Variants in ELP4 observed in about 807,000 individuals in gnomAD.
ELP4 encodes the protein elongator complex protein 4.
Under a neutral mutation model 48.9 loss-of-function variants are expected in ELP4, and 51 were observed. That is an observed-to-expected ratio of 1.04 (90% CI 0.83 to 1.32). The LOEUF is 1.32. ELP4 is among the 40% of genes most tolerant of loss of function. The pLI is 0.00. For synonymous variants in ELP4, 210 were observed against 189.2 expected (o/e 1.11, Z -0.90); for missense variants, 519 against 514.6 (o/e 1.01, Z -0.08).
Position 31,696,318 on chromosome 11 carries a change from G to T in ELP4, c.1143+46097G>T, listed in dbSNP as rs367625882. Reference sequence around the variant, plus strand: ...TTGTGGGCATTTAGTGCTATAAATTGCCCTCTACACACTGCTTTAAATGTG... The same window carrying T: ...TTGTGGGCATTTAGTGCTATAAATTTCCCTCTACACACTGCTTTAAATGTG... On this transcript the variant is annotated intron_variant, in intron 9 of 9. Coordinates refer to ENST00000640961, the MANE Select transcript of ELP4 (RefSeq NM_019040.5). Among the ~76,000 whole-genome samples the T allele has an allele frequency of 1.4e-4, 22 of 152,042 alleles. No homozygotes were observed. The East Asian group carries it at 3.1e-3, about 21-fold the overall frequency.
At chr11:31,670,453 G>A (rs1205904385) in intron 9 of ELP4, among the ~76,000 whole-genome samples, 2 of 152,134 alleles carry the variant, frequency 1.3e-5, no homozygotes, top group Non-Finnish European at 2.9e-5. Flanking sequence ...TTTGCGAAGT[G>A]TTGTGTCCCT....
intron 3 of ELP4, among the ~76,000 whole-genome samples, chr11:31,581,752 C>CTT (rs111876394): frequency 1.4e-5 from 2 of 140,166 alleles, no homozygotes; most frequent in African/African-American, 2.7e-5. Context: ...CATGTTCTGT[C>CTT]TTTTTTTTTT....
At chr11:31,713,595 A>G (rs1402798028) in intron 9 of ELP4, among the ~76,000 whole-genome samples, 1 of 152,156 alleles carries the variant, frequency 6.6e-6, no homozygotes, top group East Asian at 1.9e-4. Flanking sequence ...TGAGCATCAT[A>G]TTATTATATA....
At chr11:31,542,074 A>C (rs1956601415) in intron 3 of ELP4, among the ~76,000 whole-genome samples, 1 of 152,258 alleles carries the variant, frequency 6.6e-6, no homozygotes, top group Admixed American at 6.5e-5. Context: ...GCTAAAAAAC[A>C]AAAAACAAAC....
At chr11:31,620,328 A>C (rs556646763) in intron 5 of ELP4, among the ~76,000 whole-genome samples, 16 of 152,038 alleles carry the variant, frequency 1.1e-4, no homozygotes, top group Non-Finnish European at 1.8e-4. Flanking sequence ...TGAGATGGTT[A>C]ATTAATTGAA....
At chr11:31,783,023 A>C (rs1453818263) in intron 9 of ELP4, among the ~76,000 whole-genome samples, 1 of 152,258 alleles carries the variant, frequency 6.6e-6, no homozygotes. Context: ...AAACAAAGCC[A>C]AAAAGAAAAA....
intron 5 of ELP4, among the ~76,000 whole-genome samples, chr11:31,615,515 A>C (rs1746538506): frequency 6.6e-6 from 1 of 152,106 alleles, no homozygotes; most frequent in East Asian, 1.9e-4. Context: ...TATTTTTATT[A>C]GAAGATAAAT....
At chr11:31,687,340 G>A (rs1315608947) in intron 9 of ELP4, among the ~76,000 whole-genome samples, 3 of 152,148 alleles carry the variant, frequency 2.0e-5, no homozygotes, top group Non-Finnish European at 4.4e-5. Context: ...ATTCAGAAGA[G>A]AAGAAGGCAG....
chr11:31,541,780 T>C (rs975288216), intron 3 of ELP4, among the ~76,000 whole-genome samples: 4 of 152,226 alleles, frequency 2.6e-5, no homozygotes, highest in Non-Finnish European at 5.9e-5. Flanking sequence ...TAGTGTACTT[T>C]ACATATCCTT....
chr11:31,663,966 T>TA (rs1215829539), intron 9 of ELP4: 1 of 152,094 alleles, frequency 6.6e-6, no homozygotes, highest in African/African-American at 2.4e-5. Flanking sequence ...TTAAATTATG[T>TA]AAAACAAAAC....
rs1948878219 is a variant in ELP4, at chr11:31,788,651, T to C, written c.*5127T>C. 4 of 215,366 alleles carry C rather than the reference T, an allele frequency of 1.9e-5. No homozygotes were observed. Among genetic ancestry groups the C allele is most frequent in the Non-Finnish European group, 2.8e-5 (3 of 106,566 alleles). The allele number at this position is 215,366 out of a possible 1,614,324, so 13.3% of individuals were successfully genotyped here. ...GCTAATCGCTTGTTGCATTTTTAAA[T>C]TATTTCTAGACTTTGAGCTTTAGAA... On this transcript the variant is annotated 3_prime_UTR_variant, in exon 10 of 10. Coordinates refer to ENST00000640961, the MANE Select transcript of ELP4 (RefSeq NM_019040.5).
intron 2 of ELP4, among the ~76,000 whole-genome samples, chr11:31,522,970 C>T (rs1956238813): frequency 6.6e-6 from 1 of 151,972 alleles, no homozygotes; most frequent in South Asian, 2.1e-4. Context: ...AGTAGTCCTC[C>T]CTTCTCAGTC....
At chr11:31,537,811 A>C (rs998439264) in intron 2 of ELP4, among the ~76,000 whole-genome samples, 25 of 152,182 alleles carry the variant, frequency 1.6e-4, no homozygotes, top group African/African-American at 6.0e-4. Context: ...ACAATTTGAC[A>C]TGAGATTTGG....
chr11:31,745,800 C>T (rs1283206506), intron 9 of ELP4, among the ~76,000 whole-genome samples: 4 of 152,128 alleles, frequency 2.6e-5, no homozygotes, highest in Non-Finnish European at 5.9e-5. Context: ...AGAAGAAAAC[C>T]TAGGCAATAT....
intron 9 of ELP4, chr11:31,707,076 C>T: frequency 5.0e-6 from 2 of 398,064 alleles, no homozygotes; most frequent in Non-Finnish European, 8.9e-6. Context: ...TAATGATTTC[C>T]TTTCCTTTGG....
intron 9 of ELP4, chr11:31,653,245 A>C (rs1465937643): frequency 6.6e-6 from 1 of 151,796 alleles, no homozygotes; most frequent in Non-Finnish European, 1.5e-5. Context: ...CCTGACATGC[A>C]TTCTGGATAA....
In ELP4 at chr11:31,790,125, T is replaced by C; in HGVS notation, c.*6601T>C. On this transcript the variant is annotated 3_prime_UTR_variant, in exon 10 of 10. Transcript: ENST00000640961. ...AAAAAAAAAAAAAAAAAAAAACTAATACTTTCTAACATTTTTTACTGTATT... is the reference window on the plus strand; with the variant it reads ...AAAAAAAAAAAAAAAAAAAAACTAACACTTTCTAACATTTTTTACTGTATT... The C allele has an allele frequency of 5.9e-6, 4 of 683,318 alleles. No homozygotes were observed. Among genetic ancestry groups the C allele is most frequent in the African/African-American group, 2.2e-5 (1 of 46,430 alleles). 42.3% of individuals were successfully genotyped at this position (683,318 alleles called of 1,614,324 possible).
At chr11:31,545,339 A>T (rs957116977) in intron 3 of ELP4, among the ~76,000 whole-genome samples, 4 of 152,244 alleles carry the variant, frequency 2.6e-5, no homozygotes, top group African/African-American at 4.8e-5. Context: ...TGAAGAATGC[A>T]GAAGCCTCAG....
intron 3 of ELP4, among the ~76,000 whole-genome samples, chr11:31,578,513 G>C (rs1475760737): frequency 6.6e-6 from 1 of 152,144 alleles, no homozygotes; most frequent in Non-Finnish European, 1.5e-5. Context: ...AAAGCTGCGG[G>C]CATCGTGCTA....
Sources: allele counts gnomAD v4.1 joint callset (sites outside exome capture counted in the v4.1 genomes callset), GRCh38; gene constraint gnomAD v4.1.1; transcripts MANE v1.5; gene names NCBI Gene and HGNC (gene_info 2026-07-23, HGNC 2026-07-21).